WDR41: variants seen among roughly 807,000 people sequenced by gnomAD.
WDR41 encodes the protein WD repeat domain 41.
A neutral mutation model predicts 69.3 loss-of-function variants in WDR41; 63 were observed. The ratio of observed to expected loss-of-function variants is 0.91; its 90% CI spans 0.74 to 1.12. The LOEUF (loss-of-function observed/expected upper bound fraction) is 1.12, where lower values mean the gene tolerates loss of function less well. Among genes scored for constraint, WDR41 ranks in the 50% most tolerant of loss-of-function variants. WDR41 has a pLI of 0.00. For missense variants in WDR41, 543 were observed against 534.5 expected (o/e 1.02, Z -0.16); for synonymous variants, 185 against 192.1 (o/e 0.96, Z 0.31).
At chr5:77,602,682 T>C (rs561001410) in intron 1 of WDR41, among the ~76,000 whole-genome samples, 1 of 152,352 alleles carries the variant, frequency 6.6e-6, no homozygotes, top group South Asian at 2.1e-4. Flanking sequence ...ATTCCATATC[T>C]TTGCTATTAT....
chr5:77,593,740 A>G (rs1275851174), intron 1 of WDR41, among the ~76,000 whole-genome samples: 1 of 152,148 alleles, frequency 6.6e-6, no homozygotes, highest in Non-Finnish European at 1.5e-5. Context: ...ACGTGACTTA[A>G]GTGATGGAGC....
chr5:77,612,910 A>C (rs1371666001), intron 1 of WDR41, among the ~76,000 whole-genome samples: 1 of 152,040 alleles, frequency 6.6e-6, no homozygotes, highest in African/African-American at 2.4e-5. Context: ...GTCTCAGCCC[A>C]AAATCTCCTT....
rs528252966 is a variant in WDR41, at chr5:77,575,257, C to T, written c.42+45222G>A. On this transcript the variant is annotated intron_variant, in intron 1 of 5. Transcript: ENST00000509971. ...AGAAAAAGAGGAAAAGAATAAGCTA[C>T]GACACTAATACCAGAGTTGATATAG... Among the ~76,000 whole-genome samples, 9 of 152,158 alleles carry T rather than the reference C, an allele frequency of 5.9e-5. 1 individual carries two copies. Among genetic ancestry groups the T allele is most frequent in the Non-Finnish European group, 7.4e-5 (5 of 67,998 alleles).
intron 1 of WDR41, among the ~76,000 whole-genome samples, chr5:77,558,332 A>G (rs569965441): frequency 6.6e-6 from 1 of 152,288 alleles, no homozygotes; most frequent in Non-Finnish European, 1.5e-5. Flanking sequence ...TAAGAAAAAT[A>G]GAAAAGGAAA....
At chr5:77,509,800 A>G (rs1390526068) in intron 1 of WDR41, among the ~76,000 whole-genome samples, 1 of 152,156 alleles carries the variant, frequency 6.6e-6, no homozygotes. Context: ...TAGGTTAAAA[A>G]CCATTAAATT....
chr5:77,481,344 G>A (rs1448837146), intron 2 of WDR41, among the ~76,000 whole-genome samples: 1 of 152,148 alleles, frequency 6.6e-6, no homozygotes, highest in Non-Finnish European at 1.5e-5. Flanking sequence ...TGTTCACAGA[G>A]AGGGAACATA....
At chr5:77,599,497 G>C (rs1744287288) in intron 1 of WDR41, among the ~76,000 whole-genome samples, 1 of 152,080 alleles carries the variant, frequency 6.6e-6, no homozygotes, top group Non-Finnish European at 1.5e-5. Flanking sequence ...ACCACACCCT[G>C]CCTGGAAGCT....
chr5:77,451,195 C>T (rs891139928), intron 7 of WDR41, 96 bp downstream of exon 7: 9 of 1,144,972 alleles, frequency 7.9e-6, no homozygotes, highest in African/African-American at 4.6e-5. Flanking sequence ...GTGGGGCACA[C>T]GCAATGTCCC....
intron 2 of WDR41, among the ~76,000 whole-genome samples, chr5:77,466,127 G>A (rs535608397): frequency 6.6e-6 from 1 of 151,792 alleles, no homozygotes; most frequent in East Asian, 1.9e-4. Context: ...TAACAGAATG[G>A]ACCTGTTAAA....
At chr5:77,605,269 G>A (rs576930339) in intron 1 of WDR41, among the ~76,000 whole-genome samples, 9 of 152,248 alleles carry the variant, frequency 5.9e-5, no homozygotes, top group Admixed American at 3.3e-4. Flanking sequence ...ACTGTTGTCT[G>A]CCCTAAATTC....
At chr5:77,434,259 G>A (rs1798849516) in intron 12 of WDR41, among the ~76,000 whole-genome samples, 1 of 152,058 alleles carries the variant, frequency 6.6e-6, no homozygotes, top group Admixed American at 6.5e-5. Context: ...TGCAGTGAGT[G>A]GAGATTGCGC....
intron 2 of WDR41, among the ~76,000 whole-genome samples, chr5:77,473,781 A>G (rs574605373): frequency 7.2e-5 from 11 of 152,334 alleles, no homozygotes; most frequent in Non-Finnish European, 1.2e-4. Context: ...CGATCATTAA[A>G]AAGTCAGGAA....
At chr5:77,565,182 T>C (rs1200250265) in intron 1 of WDR41, among the ~76,000 whole-genome samples, 2 of 152,270 alleles carry the variant, frequency 1.3e-5, no homozygotes, top group East Asian at 3.9e-4. Flanking sequence ...AGCTCTCCAG[T>C]TGATTCTCAC....
At chr5:77,613,140 A>G (rs1744598476) in intron 1 of WDR41, among the ~76,000 whole-genome samples, 1 of 152,000 alleles carries the variant, frequency 6.6e-6, no homozygotes, top group Non-Finnish European at 1.5e-5. Flanking sequence ...CAATGAAATA[A>G]AAGAGGATAC....
At chr5:77,545,901 A>G (rs1580002649) in intron 1 of WDR41, 1 of 528,908 alleles carries the variant, frequency 1.9e-6, no homozygotes, top group Admixed American at 3.5e-5. Flanking sequence ...CTACTGGGGG[A>G]ACAAGATTGG....
At chr5:77,440,207 G>T (rs1799104562) in intron 9 of WDR41, among the ~76,000 whole-genome samples, 2 of 152,156 alleles carry the variant, frequency 1.3e-5, no homozygotes, top group Non-Finnish European at 2.9e-5. Context: ...AACATTTCTT[G>T]TGATTACATT....
chr5:77,571,811 GT>G (rs997520606), intron 1 of WDR41, among the ~76,000 whole-genome samples: 15 of 152,126 alleles, frequency 9.9e-5, no homozygotes, highest in African/African-American at 3.6e-4. Flanking sequence ...GTCAACCGTA[GT>G]TTTATTCAAA....
At chr5:77,477,587 C>T (rs1437161585) in intron 2 of WDR41, among the ~76,000 whole-genome samples, 1 of 86,530 alleles carries the variant, frequency 1.2e-5, no homozygotes, top group Non-Finnish European at 2.0e-5. Context: ...GGGTACATAA[C>T]GAAATGAAGG....
chr5:77,547,731 C>G (rs938547742), intron 1 of WDR41, among the ~76,000 whole-genome samples: 1 of 152,166 alleles, frequency 6.6e-6, no homozygotes, highest in Admixed American at 6.5e-5. Context: ...AAATTCAGTG[C>G]AATTCCCATC....
Sources: allele counts gnomAD v4.1 joint callset (sites outside exome capture counted in the v4.1 genomes callset), GRCh38; gene constraint gnomAD v4.1.1; transcripts MANE v1.5; gene names NCBI Gene and HGNC (gene_info 2026-07-23, HGNC 2026-07-21).